The following SUSD3 variants were observed in gnomAD, a reference collection of about 807,000 sequenced individuals.
The protein encoded by SUSD3 is sushi domain-containing protein 3.
Under a neutral mutation model 20.6 loss-of-function variants are expected in SUSD3, and 18 were observed. The ratio of observed to expected loss-of-function variants is 0.87; its 90% CI spans 0.60 to 1.30. The LOEUF is 1.30. Among genes scored for constraint, SUSD3 ranks in the 50% most tolerant of loss-of-function variants. SUSD3 has a pLI of 0.00. For missense variants in SUSD3, 306 were observed against 346.9 expected (o/e 0.88, Z 0.94); for synonymous variants, 137 against 141.5 (o/e 0.97, Z 0.23).
At chr9:93,077,783 A>G in intron 2 of SUSD3, 63 bp from the exon 3 acceptor site, 1 of 1,598,954 alleles carries the variant, frequency 6.3e-7, no homozygotes, top group Non-Finnish European at 8.5e-7. Flanking sequence ...GAGACCCCCA[A>G]CCCCTGGGCC....
Position 93,079,583 on chromosome 9 carries a change from G to T in SUSD3, c.538G>T (p.Asp180Tyr). The T allele has an allele frequency of 6.2e-7, 1 of 1,613,832 alleles. No individual in the cohort carries two copies. Among genetic ancestry groups the T allele is most frequent in the South Asian group, 1.1e-5 (1 of 91,044 alleles). The part of the protein sequence containing the change: ...KPVSGPSQAH[D>Y]NHSFTTDHGE... ...CGTGAGCGGGCCCAGCCAGGCGCAC[G>T]ACAACCACAGCTTCACCACGTGAGC... The change falls in exon 4 of 5, where the codon GAC becomes TAC. Residue 180 changes from aspartate to tyrosine, a missense_variant. Transcript: ENST00000375472.
At chr9:93,063,773 T>G (rs371455068) in intron 1 of SUSD3, among the ~76,000 whole-genome samples, 3 of 152,104 alleles carry the variant, frequency 2.0e-5, no homozygotes. Flanking sequence ...ATTCCAGCAG[T>G]GCACTTACAT....
intron 1 of SUSD3, among the ~76,000 whole-genome samples, chr9:93,073,631 A>G (rs1348250876): frequency 1.3e-5 from 2 of 152,058 alleles, no homozygotes; most frequent in African/African-American, 4.8e-5. Flanking sequence ...CAGGAGGAAG[A>G]GCCTCCTGGA....
intron 4 of SUSD3, among the ~76,000 whole-genome samples, chr9:93,081,187 T>C (rs1251901255): frequency 2.0e-5 from 3 of 152,180 alleles, no homozygotes; most frequent in African/African-American, 7.2e-5. Context: ...GCACAAGATG[T>C]TCCAGGCCCA....
At chr9:93,074,978 A>C (rs990990530) in intron 1 of SUSD3, among the ~76,000 whole-genome samples, 10 of 152,182 alleles carry the variant, frequency 6.6e-5, no homozygotes, top group African/African-American at 2.4e-4. Flanking sequence ...CATTTACCAA[A>C]TGCTCTGCAG....
At chr9:93,072,127 C>G (rs956057343) in intron 1 of SUSD3, among the ~76,000 whole-genome samples, 3 of 152,022 alleles carry the variant, frequency 2.0e-5, no homozygotes, top group African/African-American at 7.2e-5. Flanking sequence ...TTAGATCAGT[C>G]CCTCCCCCAT....
intron 4 of SUSD3, among the ~76,000 whole-genome samples, chr9:93,082,073 C>T (rs1826436435): frequency 6.6e-6 from 1 of 152,162 alleles, no homozygotes; most frequent in African/African-American, 2.4e-5. Flanking sequence ...TGAGTGCTGA[C>T]CATTTGTTTA....
intron 4 of SUSD3, 130 bp from the exon 5 acceptor site, chr9:93,084,407 G>A (rs1826558511): frequency 1.4e-5 from 11 of 767,378 alleles, no homozygotes; most frequent in Admixed American, 1.1e-4. Flanking sequence ...AGGAGGAAAC[G>A]GGCTCCCCAG....
chr9:93,070,892 G>A (rs999391318), intron 1 of SUSD3, among the ~76,000 whole-genome samples: 5 of 152,150 alleles, frequency 3.3e-5, no homozygotes, highest in African/African-American at 9.7e-5. Context: ...TATTATTATT[G>A]TTGCTGATAT....
At chr9:93,062,681 G>A (rs1350771856) in intron 1 of SUSD3, among the ~76,000 whole-genome samples, 1 of 152,136 alleles carries the variant, frequency 6.6e-6, no homozygotes, top group African/African-American at 2.4e-5. Context: ...CATCAGGCAT[G>A]GGGAGGGGCT....
At chr9:93,076,001 T>C in intron 2 of SUSD3, 29 bp downstream of exon 2, 6 of 1,555,486 alleles carry the variant, frequency 3.9e-6, no homozygotes, top group Non-Finnish European at 4.4e-6. Flanking sequence ...GCTCGGTGGC[T>C]CTGGGGGTGG....
intron 1 of SUSD3, among the ~76,000 whole-genome samples, chr9:93,074,616 C>CTTTTTTTTT (rs989411910): frequency 4.2e-5 from 4 of 96,368 alleles, no homozygotes; most frequent in African/African-American, 1.4e-4. Flanking sequence ...GCAGCAGATT[C>CTTTTTTTTT]TTTTTTTTTT....
intron 1 of SUSD3, among the ~76,000 whole-genome samples, chr9:93,074,126 C>T (rs1054531693): frequency 2.0e-5 from 3 of 152,104 alleles, no homozygotes; most frequent in Admixed American, 6.6e-5. Flanking sequence ...GCTGTTGCAT[C>T]CAGAGCATCT....
chr9:93,075,079 C>G (rs572942258), intron 1 of SUSD3, among the ~76,000 whole-genome samples: 3 of 152,122 alleles, frequency 2.0e-5, no homozygotes, highest in African/African-American at 7.2e-5. Flanking sequence ...ACCTCACCGA[C>G]GCAGGAAAAA....
chr9:93,084,485 G>T (rs958380195), intron 4 of SUSD3, 52 bp from the exon 5 acceptor site: 1 of 1,497,688 alleles, frequency 6.7e-7, no homozygotes. Flanking sequence ...TGGAGTTGGG[G>T]ATTAAACCCT....
At chr9:93,059,839 C>G (rs1031095928) in intron 1 of SUSD3, among the ~76,000 whole-genome samples, 1 of 152,236 alleles carries the variant, frequency 6.6e-6, no homozygotes, top group Non-Finnish European at 1.5e-5. Context: ...GTCCGCAGCT[C>G]AGCAAAGTGG....
At position 93,075,787 on chromosome 9, in the gene SUSD3, C is replaced by T. The variant is rs780381736; in HGVS notation, c.92C>T (p.Thr31Met). 24 of 1,534,884 alleles carry T rather than the reference C, an allele frequency of 1.6e-5. No individual in the cohort carries two copies. The highest frequency in any genetic ancestry group is 2.1e-4 in the Middle Eastern group (1 of 4,738). Residue 31 changes from threonine (T) to methionine (M), a missense_variant, in exon 2 of 5, where the codon ACG becomes ATG. By Grantham distance (81) the Thr-to-Met change is moderately conservative. Coordinates refer to ENST00000375472, the MANE Select transcript of SUSD3 (RefSeq NM_145006.4). Reference sequence around the variant, plus strand: ...TCATACCTGCCTGTCTCCCCAGGCACGTGCGCTAAGCTGCGGCTACCCCCG... The same window carrying T: ...TCATACCTGCCTGTCTCCCCAGGCATGTGCGCTAAGCTGCGGCTACCCCCG... ...TTPAPGNRTG[T>M]CAKLRLPPQA...
chr9:93,063,702 C>G (rs1165272390), intron 1 of SUSD3, among the ~76,000 whole-genome samples: 2 of 152,110 alleles, frequency 1.3e-5, no homozygotes, highest in African/African-American at 2.4e-5. Context: ...AGGACTCACC[C>G]TACCCTCCCT....
chr9:93,078,344 C>T (rs890597174), intron 3 of SUSD3, among the ~76,000 whole-genome samples: 1 of 152,160 alleles, frequency 6.6e-6, no homozygotes, highest in Non-Finnish European at 1.5e-5. Flanking sequence ...CTGCAACCTC[C>T]GCCTCCTGGG....
Sources: gnomAD v4.1 joint callset for allele counts (sites outside exome capture counted in the v4.1 genomes callset) on GRCh38, gnomAD v4.1.1 for gene constraint, MANE v1.5 for transcripts, NCBI Gene and HGNC (gene_info 2026-07-23, HGNC 2026-07-21) for gene names.